ADGRV1: variants seen among roughly 807,000 people sequenced by gnomAD.
The protein encoded by ADGRV1 is G-protein coupled receptor 98.
A neutral mutation model predicts 596.2 loss-of-function variants in ADGRV1; 359 were observed. The ratio of observed to expected loss-of-function variants is 0.60; its 90% CI spans 0.55 to 0.66. ADGRV1 has a LOEUF of 0.66. Ranked by LOEUF, ADGRV1 falls within the 30% of genes least tolerant of loss-of-function variation. The probability of loss-of-function intolerance (pLI) is 0.00; values close to 1 mark genes in which losing one functional copy is unlikely to be tolerated. For synonymous variants in ADGRV1, 2,681 were observed against 2,679.2 expected (o/e 1.00, Z -0.02); for missense variants, 7,274 against 7,575.6 (o/e 0.96, Z 1.48).
rs757909771 is a variant in ADGRV1 at position 90,851,134 on chromosome 5, T to TGTGTGTGAGAGAGAGA, written c.17205-2149_17205-2148insTGTGTGAGAGAGAGAG. On this transcript the variant is annotated intron_variant, in intron 79 of 89. Coordinates refer to ENST00000405460, the MANE Select transcript of ADGRV1 (RefSeq NM_032119.4). ...GTGTGTGTGTGTGTGTGTGTGTGTG[T>TGTGTGTGAGAGAGAGA]GAGAGAGAGAGAGAGAGAGAGAGAG... Among the ~76,000 whole-genome samples, 198 of 81,508 alleles carry TGTGTGTGAGAGAGAGA rather than the reference T, an allele frequency of 2.4e-3. 5 individuals are homozygous for TGTGTGTGAGAGAGAGA. The highest frequency in any genetic ancestry group is 0.015 in the East Asian group (34 of 2,322). The allele number at this position is 81,508 out of a possible 152,430, so 53.5% of individuals were successfully genotyped here.
chr5:90,699,029 A>G (rs115822083), intron 34 of ADGRV1, among the ~76,000 whole-genome samples: 1,557 of 152,242 alleles, frequency 0.01, 26 homozygotes, highest in African/African-American at 0.035. Flanking sequence ...GATGACAAAC[A>G]TAGAGGTCTT....
chr5:90,633,602 T>G (rs1183644613), intron 9 of ADGRV1, among the ~76,000 whole-genome samples: 1 of 151,932 alleles, frequency 6.6e-6, no homozygotes, highest in Non-Finnish European at 1.5e-5. Flanking sequence ...TGTGCTATTT[T>G]GTAAGATAAA....
At chr5:90,791,791 TGAAAA>T (rs1470069571) in intron 70 of ADGRV1, 1 of 155,626 alleles carries the variant, frequency 6.4e-6, no homozygotes, top group Non-Finnish European at 1.4e-5. Context: ...CTTCTCTTTT[TGAAAA>T]GTTGAAATGT....
At chr5:90,782,816 G>T (rs1013402070) in intron 65 of ADGRV1, among the ~76,000 whole-genome samples, 18 of 151,650 alleles carry the variant, frequency 1.2e-4, no homozygotes, top group African/African-American at 4.4e-4. Context: ...ATCTAACATT[G>T]TCTTAGAAAG....
At chr5:90,853,099 C>CA (rs1766691638) in intron 79 of ADGRV1, among the ~76,000 whole-genome samples, 185 bp from the exon 80 acceptor site, 1 of 152,012 alleles carries the variant, frequency 6.6e-6, no homozygotes, top group Admixed American at 6.6e-5. Flanking sequence ...AAATTCTGTG[C>CA]AAAAAATCAT....
chr5:90,924,363 G>T (rs12515473), intron 83 of ADGRV1, among the ~76,000 whole-genome samples: 3 of 151,460 alleles, frequency 2.0e-5, no homozygotes, highest in African/African-American at 7.3e-5. Flanking sequence ...GTTTTGATTT[G>T]CATTTCTCTG....
intron 62 of ADGRV1, 62 bp downstream of exon 62, chr5:90,778,105 G>GCTCACACA: frequency 1.3e-6 from 2 of 1,484,528 alleles, no homozygotes; most frequent in Non-Finnish European, 1.8e-6. Context: ...GTGCACATGT[G>GCTCACACA]TGAGCATATG....
intron 83 of ADGRV1, among the ~76,000 whole-genome samples, chr5:90,878,408 G>T (rs1008074377): frequency 6.6e-6 from 1 of 152,216 alleles, no homozygotes; most frequent in African/African-American, 2.4e-5. Context: ...GAAGCAACTT[G>T]AAGAAAAGAT....
At chr5:90,667,922 G>T (rs530471410) in intron 21 of ADGRV1, among the ~76,000 whole-genome samples, 6 of 151,694 alleles carry the variant, frequency 4.0e-5, no homozygotes, top group Admixed American at 2.6e-4. Context: ...TAGGCTGCTC[G>T]GGGGTCAGGG....
intron 85 of ADGRV1, among the ~76,000 whole-genome samples, chr5:91,032,807 G>A (rs1021748668): frequency 1.3e-5 from 2 of 151,996 alleles, no homozygotes; most frequent in African/African-American, 4.8e-5. Flanking sequence ...TATCTTCCAG[G>A]GGAAATCATT....
chr5:90,649,670 G>C (rs974188756), intron 17 of ADGRV1, among the ~76,000 whole-genome samples: 11 of 152,042 alleles, frequency 7.2e-5, no homozygotes, highest in African/African-American at 2.7e-4. Context: ...TGTATTTTTA[G>C]TAGAGACGGG....
At chr5:90,601,510 T>C (rs1761405796) in intron 1 of ADGRV1, among the ~76,000 whole-genome samples, 1 of 152,152 alleles carries the variant, frequency 6.6e-6, no homozygotes, top group South Asian at 2.1e-4. Flanking sequence ...GGATAGAGAA[T>C]TGATAAAGAT....
At chr5:90,927,875 T>C (rs1208646672) in intron 83 of ADGRV1, among the ~76,000 whole-genome samples, 2 of 152,198 alleles carry the variant, frequency 1.3e-5, no homozygotes, top group Non-Finnish European at 2.9e-5. Flanking sequence ...GTATTTTATT[T>C]CTCCTTCACT....
At chr5:90,849,719 C>T (rs945942780) in intron 79 of ADGRV1, among the ~76,000 whole-genome samples, 23 of 151,866 alleles carry the variant, frequency 1.5e-4, no homozygotes, top group African/African-American at 5.3e-4. Flanking sequence ...ACAAGACATA[C>T]GAAGTTCAAA....
intron 24 of ADGRV1, 99 bp downstream of exon 24, chr5:90,675,544 C>CA: frequency 1.7e-6 from 2 of 1,179,420 alleles, no homozygotes; most frequent in Non-Finnish European, 2.4e-6. Flanking sequence ...CATAGTGACT[C>CA]ACGCCTGTAA....
chr5:90,720,224 G>A lies in ADGRV1; in HGVS notation c.9623+1G>A, dbSNP rs749982150. 15 of 1,532,114 alleles carry A rather than the reference G, an allele frequency of 9.8e-6. No individual in the cohort carries two copies. The highest frequency in any genetic ancestry group is 1.3e-5 in the Non-Finnish European group (15 of 1,136,732). 94.9% of individuals were successfully genotyped at this position (1,532,114 alleles called of 1,614,324 possible). A position where few individuals can be genotyped will look rare whatever the true frequency, so the allele number is the denominator to read the frequency against. ...TCAGTATCTCTGCAGTTGAAAATAG[G>A]TATAGTTTATTCATAAGGAAATTAT... On this transcript the variant is annotated splice_donor_variant, in intron 44 of 89. Transcript: ENST00000405460. LOFTEE classifies it high-confidence loss of function.
At chr5:90,868,900 A>T (rs749858990) in intron 83 of ADGRV1, among the ~76,000 whole-genome samples, 1 of 152,126 alleles carries the variant, frequency 6.6e-6, no homozygotes, top group Non-Finnish European at 1.5e-5. Context: ...TCAATTGTGA[A>T]ATTAAACCAA....
At chr5:90,734,679 G>A (rs1385820938) in intron 50 of ADGRV1, among the ~76,000 whole-genome samples, 2 of 149,106 alleles carry the variant, frequency 1.3e-5, no homozygotes, top group African/African-American at 2.5e-5. Context: ...TCTGCCTCCC[G>A]GGTTCAAGTG....
At chr5:90,802,655 A>G (rs1761497241) in intron 70 of ADGRV1, 84 bp from the exon 71 acceptor site, 2 of 1,255,574 alleles carry the variant, frequency 1.6e-6, no homozygotes, top group Non-Finnish European at 2.2e-6. Context: ...AAGCAACCTC[A>G]GGCATTATGC....
Sources: gnomAD v4.1 joint callset for allele counts (sites outside exome capture counted in the v4.1 genomes callset) on GRCh38, gnomAD v4.1.1 for gene constraint, MANE v1.5 for transcripts, NCBI Gene and HGNC (gene_info 2026-07-23, HGNC 2026-07-21) for gene names.